The following CDH13 variants were observed in gnomAD, a reference collection of about 807,000 sequenced individuals.
CDH13 encodes the protein cadherin 13, also known as cadherin-13.
A neutral mutation model predicts 63.8 loss-of-function variants in CDH13; 24 were observed. That is an observed-to-expected ratio of 0.38 (90% CI 0.27 to 0.53). The LOEUF is 0.53. Ranked by LOEUF, CDH13 falls within the 20% of genes least tolerant of loss-of-function variation. The pLI, the probability that CDH13 is intolerant of heterozygous loss-of-function variation, is 0.85. For synonymous variants in CDH13, 503 were observed against 355.3 expected (o/e 1.42, Z -4.67); for missense variants, 1,049 against 903.1 (o/e 1.16, Z -2.07).
chr16:83,635,574 C>T (rs997829537), intron 8 of CDH13, among the ~76,000 whole-genome samples: 1 of 151,944 alleles, frequency 6.6e-6, no homozygotes, highest in African/African-American at 2.4e-5. Context: ...GAACTCCTGA[C>T]CTCGTGATCT....
At chr16:82,855,877 G>T (rs1029203353) in intron 1 of CDH13, among the ~76,000 whole-genome samples, 1 of 152,176 alleles carries the variant, frequency 6.6e-6, no homozygotes, top group East Asian at 1.9e-4. Context: ...CTGGTATTTA[G>T]AGAGAAGCCC....
intron 4 of CDH13, among the ~76,000 whole-genome samples, chr16:83,184,268 T>C (rs1326509547): frequency 6.6e-6 from 1 of 152,166 alleles, no homozygotes; most frequent in Admixed American, 6.5e-5. Context: ...TGCTTTTATT[T>C]TTCACCTTTT....
chr16:83,533,139 C>A (rs1197583931), intron 7 of CDH13, among the ~76,000 whole-genome samples: 5 of 152,216 alleles, frequency 3.3e-5, no homozygotes, highest in African/African-American at 4.8e-5. Flanking sequence ...GATGCTAACT[C>A]TGTCTCCACT....
intron 1 of CDH13, among the ~76,000 whole-genome samples, chr16:82,854,036 T>C (rs1275084918): frequency 3.9e-5 from 6 of 152,278 alleles, no homozygotes; most frequent in African/African-American, 1.4e-4. Context: ...AAAGTTACTG[T>C]GAATGAAATT....
chr16:82,662,861 T>C (rs922752129), intron 1 of CDH13, among the ~76,000 whole-genome samples: 4 of 150,138 alleles, frequency 2.7e-5, no homozygotes, highest in Non-Finnish European at 4.5e-5. Context: ...GTGGTAGAGG[T>C]GTGTGCTTGC....
Position 83,087,671 on chromosome 16 carries a change from C to CAAAAAAAAAAA in CDH13, c.367-37698_367-37688dup, listed in dbSNP as rs67228844. ...CGACGAAGCAAGACTCCCTCCGTCT[C>CAAAAAAAAAAA]AAAAAAAAAAAAAAAAAAAAAAAAA... On this transcript the variant is annotated intron_variant, in intron 3 of 13. Transcript: ENST00000567109. 1.3e-3 allele frequency among the ~76,000 whole-genome samples: 58 copies of CAAAAAAAAAAA among 43,996 alleles called. 4 individuals carry two copies. Among genetic ancestry groups the CAAAAAAAAAAA allele is most frequent in the African/African-American group, 5.0e-3 (57 of 11,446 alleles). 28.9% of individuals were successfully genotyped at this position (43,996 alleles called of 152,430 possible).
At chr16:83,039,223 C>T (rs1917128909) in intron 3 of CDH13, among the ~76,000 whole-genome samples, 3 of 152,234 alleles carry the variant, frequency 2.0e-5, no homozygotes. Flanking sequence ...CGCTCCTCTG[C>T]TTAATAGGCT....
chr16:82,998,838 C>T (rs992257985), intron 2 of CDH13, among the ~76,000 whole-genome samples: 3 of 150,150 alleles, frequency 2.0e-5, no homozygotes, highest in African/African-American at 7.4e-5. Flanking sequence ...TTAAGAAACG[C>T]TGCCATGTAA....
At chr16:83,713,312 C>G (rs1034044912) in intron 10 of CDH13, among the ~76,000 whole-genome samples, 1 of 152,196 alleles carries the variant, frequency 6.6e-6, no homozygotes, top group African/African-American at 2.4e-5. Context: ...GAGCTCACCT[C>G]ATCTTCTGCC....
At chr16:83,300,618 C>T (rs2089711666) in intron 5 of CDH13, among the ~76,000 whole-genome samples, 3 of 152,214 alleles carry the variant, frequency 2.0e-5, no homozygotes, top group African/African-American at 7.2e-5. Context: ...TGTTGGACAA[C>T]ATGAATGTAG....
intron 2 of CDH13, among the ~76,000 whole-genome samples, chr16:82,902,704 C>T (rs911526715): frequency 2.0e-5 from 3 of 151,826 alleles, no homozygotes; most frequent in Non-Finnish European, 4.4e-5. Context: ...GGCATTCATT[C>T]ATTTTTGTCT....
rs1176712529 is a variant in CDH13 at position 82,644,150 on chromosome 16, G to A, written c.45+17013G>A. 6.6e-6 allele frequency among the ~76,000 whole-genome samples: 1 copy of A among 152,124 alleles called. No individual in the cohort carries two copies. Among genetic ancestry groups the A allele is most frequent in the Non-Finnish European group, 1.5e-5 (1 of 68,026 alleles). ...CTCAAGTTGATAGCAGATTGCTGAA[G>A]GATTTAGGATTTACCCAAATTAACA... On this transcript the variant is annotated intron_variant, in intron 1 of 13. Transcript: ENST00000567109. The surrounding 1 kb of genome is among the most constrained non-coding windows in gnomAD (Gnocchi z 5.7).
intron 4 of CDH13, among the ~76,000 whole-genome samples, chr16:83,196,191 G>T (rs933768174): frequency 2.0e-5 from 3 of 152,138 alleles, no homozygotes; most frequent in Non-Finnish European, 4.4e-5. Context: ...GGGAGGCGGA[G>T]GTTGCAGTGA....
intron 5 of CDH13, among the ~76,000 whole-genome samples, chr16:83,330,905 C>G (rs1392487904): frequency 6.6e-6 from 1 of 152,198 alleles, no homozygotes; most frequent in Non-Finnish European, 1.5e-5. Flanking sequence ...AAACCCTTAT[C>G]AGGAACATAA....
chr16:83,528,019 C>G (rs893886950), intron 7 of CDH13, among the ~76,000 whole-genome samples: 1 of 152,168 alleles, frequency 6.6e-6, no homozygotes, highest in Non-Finnish European at 1.5e-5. Context: ...AAGGCCAGGG[C>G]TAGACAATCC....
At chr16:83,300,810 T>C (rs2089716154) in intron 5 of CDH13, among the ~76,000 whole-genome samples, 1 of 152,172 alleles carries the variant, frequency 6.6e-6, no homozygotes, top group Non-Finnish European at 1.5e-5. Context: ...ATTCTTAAGA[T>C]TTGTACATTT....
At chr16:83,489,316 C>T (rs929538141) in intron 7 of CDH13, among the ~76,000 whole-genome samples, 3 of 152,116 alleles carry the variant, frequency 2.0e-5, no homozygotes, top group African/African-American at 4.8e-5. Context: ...TTAAGCATTT[C>T]TAGTCACAAA....
intron 3 of CDH13, among the ~76,000 whole-genome samples, chr16:83,109,496 A>G (rs2034957024): frequency 6.6e-6 from 1 of 152,178 alleles, no homozygotes; most frequent in South Asian, 2.1e-4. Flanking sequence ...CAGGGAAGGT[A>G]TGTGTCAAAC....
intron 1 of CDH13, among the ~76,000 whole-genome samples, chr16:82,716,891 C>T (rs1256545708): frequency 6.6e-6 from 1 of 151,914 alleles, no homozygotes; most frequent in African/African-American, 2.4e-5. Context: ...TCGTAAGATG[C>T]ACCTCTAGGG....
Sources: allele counts gnomAD v4.1 joint callset (sites outside exome capture counted in the v4.1 genomes callset), GRCh38; gene constraint gnomAD v4.1.1; non-coding constraint Gnocchi (gnomAD v3.1); transcripts MANE v1.5; gene names NCBI Gene and HGNC (gene_info 2026-07-23, HGNC 2026-07-21).